ZBTB45: variants seen among roughly 807,000 people sequenced by gnomAD.
ZBTB45 encodes zinc finger and BTB domain-containing protein 45.
A neutral mutation model predicts 28.4 loss-of-function variants in ZBTB45; 22 were observed. That is an observed-to-expected ratio of 0.77 (90% confidence interval 0.55 to 1.10). ZBTB45 has a LOEUF of 1.10. ZBTB45 is among the 50% of genes least tolerant of loss of function. The pLI is 0.00. For synonymous variants in ZBTB45, 361 were observed against 332.3 expected, an observed-to-expected ratio of 1.09 and a Z score of -0.94; for missense variants, 656 against 750.2, an observed-to-expected ratio of 0.87 and a Z score of 1.47.
intron 1 of ZBTB45, among the ~76,000 whole-genome samples, chr19:58,537,202 C>G (rs961009771): frequency 1.3e-5 from 2 of 152,132 alleles, no homozygotes; most frequent in African/African-American, 2.4e-5. Flanking sequence ...GACTGGTGTC[C>G]TGGCACTTGC....
In ZBTB45 at chr19:58,515,097, G is replaced by A. The variant is rs1221855305; in HGVS notation, c.1280-787C>T. On this transcript the variant is annotated intron_variant, in intron 2 of 2. Coordinates refer to ENST00000594051, the MANE Select transcript of ZBTB45 (RefSeq NM_001316979.2). This position sits in a 1 kb window ranked among gnomAD's most constrained non-coding sequence, Gnocchi z 4.7. ...CCCAGCACTTTGGGAGGCCAAGGCA[G>A]GCAGATCGCTTGAGGCCAGGAGTTC... is the stretch of plus-strand genomic sequence containing the variant. 6.6e-6 allele frequency among the ~76,000 whole-genome samples: 1 copy of A among 152,128 alleles called. No individual in the cohort carries two copies. Among genetic ancestry groups the A allele is most frequent in the Non-Finnish European group, 1.5e-5 (1 of 68,016 alleles).
upstream of ZBTB45, among the ~76,000 whole-genome samples, chr19:58,524,403 ATATGTGTG>A (rs1234736718): frequency 2.2e-4 from 31 of 138,474 alleles, no homozygotes; most frequent in African/African-American, 5.3e-4. Context: ...ATGTGTATAT[ATATGTGTG>A]TGTGTGTGTG....
In ZBTB45 at chr19:58,516,216, A is replaced by G. The variant is rs1276094776; in HGVS notation, c.1279+179T>C. On this transcript the variant is annotated intron_variant, in intron 2 of 2. Transcript: ENST00000594051. This position sits in a 1 kb window ranked among gnomAD's most constrained non-coding sequence, Gnocchi z 6.2. ...CAGAAGCCAGTGCCTGCTGCTCCAC[A>G]GAGTGGGGCTTTCCCCTCCCCCACA... 2.6e-5 allele frequency among the ~76,000 whole-genome samples: 4 copies of G among 152,138 alleles called. No homozygotes were observed. Among genetic ancestry groups the G allele is most frequent in the Non-Finnish European group, 4.4e-5 (3 of 68,022 alleles).
At chr19:58,518,096 C>T (rs1156654269) in intron 1 of ZBTB45, among the ~76,000 whole-genome samples, 2 of 151,600 alleles carry the variant, frequency 1.3e-5, no homozygotes, top group Non-Finnish European at 2.9e-5. Flanking sequence ...GCCAGGGACC[C>T]CCATCCCAAC....
intron 1 of ZBTB45, among the ~76,000 whole-genome samples, chr19:58,537,492 C>T (rs771271948): frequency 2.6e-5 from 4 of 152,020 alleles, no homozygotes; most frequent in Admixed American, 1.3e-4. Context: ...GAGGGGCAGC[C>T]GATGATAGGG....
At chr19:58,518,338 G>C (rs1274628666) in intron 1 of ZBTB45, among the ~76,000 whole-genome samples, 5 of 152,190 alleles carry the variant, frequency 3.3e-5, no homozygotes, top group Admixed American at 3.3e-4. Flanking sequence ...GGGTGGTTCT[G>C]GGTGTGCCTA....
At chr19:58,526,402 GT>G (rs1400508522) in intron 1 of ZBTB45, among the ~76,000 whole-genome samples, 1 of 151,572 alleles carries the variant, frequency 6.6e-6, no homozygotes, top group Non-Finnish European at 1.5e-5. Context: ...TGGAGACGGG[GT>G]TTCACCATGT....
At chr19:58,518,756 T>C (rs530328518) in intron 1 of ZBTB45, among the ~76,000 whole-genome samples, 6 of 152,210 alleles carry the variant, frequency 3.9e-5, no homozygotes, top group African/African-American at 1.4e-4. Flanking sequence ...GCACCCAGAC[T>C]GCACACACCT....
intron 1 of ZBTB45, among the ~76,000 whole-genome samples, chr19:58,530,852 T>A (rs939470520): frequency 6.6e-6 from 1 of 151,822 alleles, no homozygotes; most frequent in Non-Finnish European, 1.5e-5. Context: ...CCTGGCTAAT[T>A]TTTTGTATTT....
Position 58,514,010 on chromosome 19 carries a change from G to T in ZBTB45, c.*44C>A, listed in dbSNP as rs973972630. 1.7e-5 allele frequency: 23 copies of T among 1,368,646 alleles called. No homozygotes were observed. Among genetic ancestry groups the T allele is most frequent in the Non-Finnish European group, 2.2e-5 (23 of 1,067,392 alleles). The allele number at this position is 1,368,646 out of a possible 1,614,324, so 84.8% of individuals were successfully genotyped here. A position where few individuals can be genotyped will look rare whatever the true frequency, so the allele number is the denominator to read the frequency against. The stretch of plus-strand genomic sequence containing the variant: ...CGCAGCGGGCGTGGCCGACTGTGCG[G>T]GAGGCCCCGGATCCACCGTGGGCGA... On this transcript the variant is annotated 3_prime_UTR_variant, in exon 3 of 3. Transcript: ENST00000594051.
At chr19:58,527,962 C>T (rs188892905) in intron 1 of ZBTB45, among the ~76,000 whole-genome samples, 3 of 152,232 alleles carry the variant, frequency 2.0e-5, no homozygotes, top group Non-Finnish European at 2.9e-5. Flanking sequence ...ATTATCTGGG[C>T]GTGGCAGTAC....
At chr19:58,532,550 T>C (rs758641487) in intron 1 of ZBTB45, among the ~76,000 whole-genome samples, 3 of 152,166 alleles carry the variant, frequency 2.0e-5, no homozygotes, top group Non-Finnish European at 4.4e-5. Context: ...CATATTTGTC[T>C]TTTCTTTTTT....
At chr19:58,531,260 T>C (rs1360932382) in intron 1 of ZBTB45, among the ~76,000 whole-genome samples, 1 of 152,230 alleles carries the variant, frequency 6.6e-6, no homozygotes, top group Non-Finnish European at 1.5e-5. Flanking sequence ...TTATTGGCCA[T>C]TTGTATATGT....
chr19:58,517,927 A>C (rs2053534821), intron 1 of ZBTB45, among the ~76,000 whole-genome samples: 1 of 149,198 alleles, frequency 6.7e-6, no homozygotes, highest in African/African-American at 2.5e-5. Context: ...AAACCCTAGC[A>C]CACCCCTAGG....
chr19:58,514,060 C>G lies in ZBTB45; in HGVS notation c.1530G>C (p.Ala510=), dbSNP rs751024222. ...AGGCCAGGCCCCAGCGCCATCAGGG[C>G]GCAGGGTGCGCCGCCAGGTGGCGCT... is the stretch of plus-strand genomic sequence containing the variant. ...LLERHLAAHP[A]P Residue 510 remains alanine, a synonymous_variant, in exon 3 of 3, where the codon GCG becomes GCC. Coordinates refer to ENST00000594051, the MANE Select transcript of ZBTB45 (RefSeq NM_001316979.2). 6.8e-7 allele frequency: 1 copy of G among 1,479,796 alleles called. No individual in the cohort carries two copies. The allele number at this position is 1,479,796 out of a possible 1,614,324, so 91.7% of individuals were successfully genotyped here.
intron 1 of ZBTB45, among the ~76,000 whole-genome samples, chr19:58,537,096 C>A (rs1191516782): frequency 6.6e-6 from 1 of 152,096 alleles, no homozygotes; most frequent in Non-Finnish European, 1.5e-5. Flanking sequence ...GTCTTACTCT[C>A]CTATATACCC....
At chr19:58,521,274 G>A (rs1249911747), upstream of ZBTB45, among the ~76,000 whole-genome samples, 19 of 150,898 alleles carry the variant, frequency 1.3e-4, 1 homozygote, top group South Asian at 2.5e-3. Flanking sequence ...GGCTGAGGCA[G>A]GAGAATGGCG....
At chr19:58,536,340 C>T (rs2053659983) in intron 1 of ZBTB45, among the ~76,000 whole-genome samples, 1 of 151,998 alleles carries the variant, frequency 6.6e-6, no homozygotes, top group African/African-American at 2.4e-5. Context: ...GTGGTGGGCA[C>T]CTGTAGTCCT....
chr19:58,521,020 C>G (rs2053572332), upstream of ZBTB45, among the ~76,000 whole-genome samples: 1 of 125,842 alleles, frequency 7.9e-6, no homozygotes, highest in Admixed American at 8.9e-5. Context: ...CCACTGCACT[C>G]CAGCCTGGGC....
Sources: gnomAD v4.1 joint callset for allele counts (sites outside exome capture counted in the v4.1 genomes callset) on GRCh38, gnomAD v4.1.1 for gene constraint, Gnocchi (gnomAD v3.1) non-coding constraint, MANE v1.5 for transcripts, NCBI Gene and HGNC (gene_info 2026-07-23, HGNC 2026-07-21) for gene names.